Variants in MYO16 observed in about 807,000 individuals in gnomAD.
MYO16 encodes unconventional myosin-XVI.
MYO16 carries 94 observed loss-of-function variants against 205.3 expected under a neutral mutation model. The observed-to-expected ratio is 0.46, with a 90% CI of 0.39 to 0.54. The LOEUF (loss-of-function observed/expected upper bound fraction) is 0.54, where lower values mean the gene tolerates loss of function less well. MYO16 is among the 20% of genes least tolerant of loss of function. MYO16 has a pLI of 0.00. For missense variants in MYO16, 2,315 were observed against 2,387.5 expected, an observed-to-expected ratio of 0.97 and a Z score of 0.63; for synonymous variants, 988 against 954.0, an observed-to-expected ratio of 1.04 and a Z score of -0.66.
intron 9 of MYO16, among the ~76,000 whole-genome samples, chr13:108,838,456 A>T (rs910012290): frequency 2.6e-5 from 4 of 151,292 alleles, no homozygotes; most frequent in African/African-American, 9.7e-5. Context: ...GGAGTTTGAG[A>T]CCAGCCTGGC....
At chr13:108,919,497 G>A (rs185729214) in intron 16 of MYO16, among the ~76,000 whole-genome samples, 10 of 93,010 alleles carry the variant, frequency 1.1e-4, no homozygotes, top group South Asian at 4.7e-4. Context: ...GTCGTTAACC[G>A]GTTCTTTGAC....
chr13:108,816,708 T>C (rs745397125), intron 7 of MYO16, among the ~76,000 whole-genome samples: 2 of 152,174 alleles, frequency 1.3e-5, no homozygotes, highest in Non-Finnish European at 2.9e-5. Flanking sequence ...AAGGTGTTTG[T>C]TTTCTTTGTT....
chr13:108,516,297 G>A, the MYO16 span, among the ~76,000 whole-genome samples: 3 of 151,752 alleles, frequency 2.0e-5, no homozygotes, highest in Non-Finnish European at 2.9e-5. Context: ...GACCCCTTGC[G>A]CTTCCCAGGT....
At chr13:108,957,914 C>A in intron 17 of MYO16, 115 bp downstream of exon 17, 2 of 805,828 alleles carry the variant, frequency 2.5e-6, no homozygotes, top group East Asian at 2.8e-5. Context: ...TTGCCGAGGA[C>A]ACTGATGATT....
At chr13:108,659,135 C>T (rs1220658782) in intron 1 of MYO16, among the ~76,000 whole-genome samples, 1 of 150,004 alleles carries the variant, frequency 6.7e-6, no homozygotes, top group African/African-American at 2.4e-5. Flanking sequence ...AATGTCTCGA[C>T]ATCATGACAC....
chr13:108,638,501 C>G (rs1256469971), intron 1 of MYO16, among the ~76,000 whole-genome samples: 1 of 152,128 alleles, frequency 6.6e-6, no homozygotes, highest in Admixed American at 6.6e-5. Context: ...ATCAAACTCT[C>G]TTTTTGGTTC....
chr13:108,667,479 T>C (rs1881793038), intron 2 of MYO16, among the ~76,000 whole-genome samples: 1 of 152,182 alleles, frequency 6.6e-6, no homozygotes, highest in Non-Finnish European at 1.5e-5. Context: ...TCTGGAGCAC[T>C]CTGATCTTTC....
At chr13:109,154,824 C>T (rs2139845315) in intron 32 of MYO16, among the ~76,000 whole-genome samples, 1 of 147,448 alleles carries the variant, frequency 6.8e-6, no homozygotes, top group South Asian at 2.2e-4. Flanking sequence ...ATATAAATAA[C>T]CTCATGACCT....
At chr13:109,070,648 C>A (rs1333472236) in intron 27 of MYO16, among the ~76,000 whole-genome samples, 2 of 152,134 alleles carry the variant, frequency 1.3e-5, no homozygotes, top group Non-Finnish European at 2.9e-5. Context: ...CAAAAAAGCA[C>A]CCTGAGTCAT....
chr13:109,128,646 GAAC>G (rs1373400408), intron 31 of MYO16, among the ~76,000 whole-genome samples: 1 of 150,820 alleles, frequency 6.6e-6, no homozygotes, highest in East Asian at 1.9e-4. Flanking sequence ...TTTTTGTCAT[GAAC>G]AACATGTTGT....
intron 4 of MYO16, among the ~76,000 whole-genome samples, chr13:108,731,363 CAAT>C (rs1318288092): frequency 6.6e-6 from 1 of 152,162 alleles, no homozygotes; most frequent in Admixed American, 6.5e-5. Context: ...AAAATATTGA[CAAT>C]ATTAACTCAT....
intron 32 of MYO16, among the ~76,000 whole-genome samples, chr13:109,154,084 A>C (rs952026168): frequency 1.3e-5 from 2 of 152,246 alleles, no homozygotes; most frequent in Non-Finnish European, 2.9e-5. Flanking sequence ...CGGTCCATGT[A>C]GCTCTTCCAG....
intron 16 of MYO16, among the ~76,000 whole-genome samples, chr13:108,927,944 A>G (rs1882084457): frequency 6.6e-6 from 1 of 152,248 alleles, no homozygotes; most frequent in Non-Finnish European, 1.5e-5. Flanking sequence ...ACTGATTTCC[A>G]CCAGTTCAGT....
intron 12 of MYO16, among the ~76,000 whole-genome samples, chr13:108,874,132 A>C (rs958117263): frequency 1.3e-5 from 2 of 152,210 alleles, no homozygotes; most frequent in African/African-American, 4.8e-5. Context: ...AACAACAATT[A>C]AATAGCTGTA....
intron 4 of MYO16, among the ~76,000 whole-genome samples, chr13:108,730,803 A>C (rs1884496212): frequency 6.6e-6 from 1 of 152,126 alleles, no homozygotes; most frequent in Non-Finnish European, 1.5e-5. Flanking sequence ...CCCTCACATC[A>C]TTGTCAGACT....
intron 31 of MYO16, among the ~76,000 whole-genome samples, chr13:109,136,745 C>T (rs1401368166): frequency 2.0e-5 from 3 of 152,194 alleles, no homozygotes; most frequent in African/African-American, 7.2e-5. Flanking sequence ...CAAGAGCTTT[C>T]TTGAGGCCAC....
At chr13:108,595,813 T>C (rs1878535744), upstream of MYO16, among the ~76,000 whole-genome samples, 1 of 152,056 alleles carries the variant, frequency 6.6e-6, no homozygotes, top group African/African-American at 2.4e-5. Flanking sequence ...TGGTGGCTAC[T>C]TTGAGTGGTT....
chr13:108,562,514 A>G, the MYO16 span, among the ~76,000 whole-genome samples: 1 of 152,140 alleles, frequency 6.6e-6, no homozygotes, highest in Admixed American at 6.6e-5. Context: ...AGGATGGCAT[A>G]TTTATATAAC....
rs1309711371 is a variant in MYO16, at chr13:108,961,647, C to T, written c.2146C>T (p.Leu716=). Residue 716 remains leucine, a synonymous_variant, in exon 18 of 35, where the codon CTG becomes TTG. Transcript: ENST00000457511. ...NSAFVSDLQL[L]EQVAGMLQVS... The stretch of plus-strand genomic sequence containing the variant: ...CGCCTTCGTTTCTGACCTCCAGCTC[C>T]TGGAACAAGGTCAGTGGAACATGAC... 1.1e-5 allele frequency: 18 copies of T among 1,612,098 alleles called. No homozygotes were observed. The highest frequency in any genetic ancestry group is 1.7e-5 in the Admixed American group (1 of 60,002).
Sources: allele counts gnomAD v4.1 joint callset (sites outside exome capture counted in the v4.1 genomes callset), GRCh38; gene constraint gnomAD v4.1.1; transcripts MANE v1.5; gene names NCBI Gene and HGNC (gene_info 2026-07-23, HGNC 2026-07-21).